GRK1: variants seen among roughly 807,000 people sequenced by gnomAD.
GRK1 encodes the protein rhodopsin kinase GRK1.
A neutral mutation model predicts 41.7 loss-of-function variants in GRK1; 28 were observed. The observed-to-expected ratio is 0.67, with a 90% confidence interval of 0.50 to 0.92. The LOEUF (loss-of-function observed/expected upper bound fraction) is 0.92, where lower values mean the gene tolerates loss of function less well. GRK1 is among the 40% of genes least tolerant of loss of function. GRK1 has a pLI of 0.00. For missense variants in GRK1, 703 were observed against 671.2 expected, an observed-to-expected ratio of 1.05 and a Z score of -0.52; for synonymous variants, 327 against 286.7, an observed-to-expected ratio of 1.14 and a Z score of -1.42.
Position 113,667,292 on chromosome 13 carries a change from C to T in GRK1, c.-95C>T, listed in dbSNP as rs993638715. ...GCAAGGGCAGGGACGGGCCACAGGCCAAGGGCAGCAGTCAGGCCTGCTCTG... is the reference window on the plus strand; with the variant it reads ...GCAAGGGCAGGGACGGGCCACAGGCTAAGGGCAGCAGTCAGGCCTGCTCTG... On this transcript the variant is annotated 5_prime_UTR_variant, in exon 1 of 7. Coordinates refer to ENST00000335678, the MANE Select transcript of GRK1 (RefSeq NM_002929.3). The surrounding 1 kb of genome is among the most constrained non-coding windows in gnomAD (Gnocchi z 7.5). 2.1e-5 allele frequency: 26 copies of T among 1,250,046 alleles called. No individual in the cohort carries two copies. Among genetic ancestry groups the T allele is most frequent in the Admixed American group, 5.6e-5 (2 of 35,682 alleles). 77.4% of individuals were successfully genotyped at this position (1,250,046 alleles called of 1,614,324 possible).
chr13:113,665,717 T>A (rs976981573), upstream of GRK1, among the ~76,000 whole-genome samples: 2 of 147,324 alleles, frequency 1.4e-5, no homozygotes, highest in South Asian at 4.4e-4. Flanking sequence ...CCCAGGCATA[T>A]CCCAGGTGTG....
Position 113,671,619 on chromosome 13 carries a change from C to A in GRK1, c.948C>A (p.Arg316=). Residue 316 remains arginine (R), a synonymous_variant, in exon 3 of 7, where the codon CGC becomes CGA. Coordinates refer to ENST00000335678, the MANE Select transcript of GRK1 (RefSeq NM_002929.3). The surrounding 1 kb of genome is among the most constrained non-coding windows in gnomAD (Gnocchi z 4.1). ...TGCACCAGAGGCGGATCGTCTACCG[C>A]GACCTCAAGCCCGAGAACGTGCTGC... ...EHLHQRRIVY[R]DLKPENVLLD... 1.3e-6 allele frequency: 1 copy of A among 770,610 alleles called. No homozygotes were observed. Among genetic ancestry groups the A allele is most frequent in the East Asian group, 2.4e-5 (1 of 41,240 alleles). The allele number at this position is 770,610 out of a possible 1,614,324, so 47.7% of individuals were successfully genotyped here. A position where few individuals can be genotyped will look rare whatever the true frequency, so the allele number is the denominator to read the frequency against.
the GRK1 span, among the ~76,000 whole-genome samples, chr13:113,660,429 T>C: frequency 2.0e-3 from 312 of 152,276 alleles, 1 homozygote; most frequent in African/African-American, 7.0e-3. Context: ...CACATGGTGT[T>C]AACAAGGTGA....
At chr13:113,672,194 TGTGTGTGTGTTGTGTGTG>T (rs1321351093) in intron 3 of GRK1, among the ~76,000 whole-genome samples, 1 of 150,634 alleles carries the variant, frequency 6.6e-6, no homozygotes, top group East Asian at 1.9e-4. Context: ...TTGTGGGGTG[TGTGTGTGTGTTGTGTGTG>T]GTGTGTGTGT....
chr13:113,733,968 G>GTGCATA (rs879935844), intron 6 of GRK1, among the ~76,000 whole-genome samples: 25 of 125,054 alleles, frequency 2.0e-4, no homozygotes, highest in African/African-American at 2.3e-4. Context: ...ACGTGTGTGT[G>GTGCATA]CGTGTGTGCG....
At chr13:113,724,856 G>A (rs2049881251) in intron 4 of GRK1, among the ~76,000 whole-genome samples, 1 of 152,242 alleles carries the variant, frequency 6.6e-6, no homozygotes, top group African/African-American at 2.4e-5. Flanking sequence ...CTGGGTGTGA[G>A]CGCGTGGGTG....
rs184061766 is a variant in GRK1 at position 113,671,371 on chromosome 13, G to A, written c.828-128G>A. 5 of 701,468 alleles carry A rather than the reference G, an allele frequency of 7.1e-6. No individual in the cohort carries two copies. The East Asian group carries it at 7.6e-5, about 11-fold the overall frequency. The allele number at this position is 701,468 out of a possible 1,614,324, so 43.5% of individuals were successfully genotyped here. A position where few individuals can be genotyped will look rare whatever the true frequency, so the allele number is the denominator to read the frequency against. On this transcript the variant is annotated intron_variant, in intron 2 of 6. Coordinates refer to ENST00000335678, the MANE Select transcript of GRK1 (RefSeq NM_002929.3). The surrounding 1 kb of genome is among the most constrained non-coding windows in gnomAD (Gnocchi z 4.1). ...TCGGGTGTCCTCTGCAGGGACGTAG[G>A]GGGGCCAGGCCTCAAAACGACCAGA... is the stretch of plus-strand genomic sequence containing the variant.
rs1453875527 is a variant in GRK1, at chr13:113,735,229, G to A, written c.1558G>A (p.Glu520Lys). ...TGGCAACTGCCCCATCCCCTGGCAG[G>A]AGGAGATGATCGAGACGGGCATCTT... ...ATGNCPIPWQ[E>K]EMIETGIFGE... The change falls in exon 7 of 7, where the codon GAG (glutamate) becomes AAG (lysine). Residue 520 changes from glutamate to lysine, a missense_variant. Physicochemically the swap from Glu to Lys is moderately conservative, Grantham distance 56. Coordinates refer to ENST00000335678, the MANE Select transcript of GRK1 (RefSeq NM_002929.3). 1.2e-5 allele frequency: 19 copies of A among 1,537,028 alleles called. No individual in the cohort carries two copies. Among genetic ancestry groups the A allele is most frequent in the East Asian group, 2.4e-5 (1 of 40,928 alleles).
intron 4 of GRK1, among the ~76,000 whole-genome samples, chr13:113,724,782 T>C (rs2049880803): frequency 6.6e-6 from 1 of 152,194 alleles, no homozygotes; most frequent in Admixed American, 6.5e-5. Flanking sequence ...GATCCAAGCC[T>C]CTTTCTGGGT....
At chr13:113,660,901 T>C in the GRK1 span, among the ~76,000 whole-genome samples, 5 of 152,240 alleles carry the variant, frequency 3.3e-5, no homozygotes, top group Admixed American at 3.3e-4. Flanking sequence ...CATAAACACA[T>C]CCACAATTAT....
chr13:113,663,905 G>A (rs144561627), upstream of GRK1, among the ~76,000 whole-genome samples: 635 of 152,240 alleles, frequency 4.2e-3, 2 homozygotes, highest in African/African-American at 0.014. Flanking sequence ...AAAACTAAAC[G>A]TGCAATTACG....
At chr13:113,662,392 C>G (rs2049795784), upstream of GRK1, among the ~76,000 whole-genome samples, 1 of 152,302 alleles carries the variant, frequency 6.6e-6, no homozygotes, top group South Asian at 2.1e-4. Context: ...TTTTTTACCC[C>G]AAGACCGGGA....
At chr13:113,662,867 C>T (rs2049797622), upstream of GRK1, among the ~76,000 whole-genome samples, 1 of 152,042 alleles carries the variant, frequency 6.6e-6, no homozygotes, top group African/African-American at 2.4e-5. Flanking sequence ...ATCAATCTCC[C>T]CAAATTGATA....
upstream of GRK1, among the ~76,000 whole-genome samples, chr13:113,664,165 C>T (rs183395110): frequency 3.9e-5 from 6 of 152,212 alleles, no homozygotes; most frequent in African/African-American, 1.2e-4. This position sits in a 1 kb window ranked among gnomAD's most constrained non-coding sequence, Gnocchi z 5.4. Flanking sequence ...GTGTCTGACT[C>T]CATTCATGTG....
rs761626862 is a variant in GRK1, at chr13:113,731,679, C to T, written c.1194+336C>T. 2.6e-5 allele frequency among the ~76,000 whole-genome samples: 4 copies of T among 152,148 alleles called. No homozygotes were observed. The highest frequency in any genetic ancestry group is 3.9e-4 in the East Asian group (2 of 5,182). On this transcript the variant is annotated intron_variant, in intron 5 of 6. Transcript: ENST00000335678. This position sits in a 1 kb window ranked among gnomAD's most constrained non-coding sequence, Gnocchi z 5.6. ...GGGGGCCGGTCCCTCTGGTGCAGAC[C>T]GGAGGAGGGAGGGCGACTTATCCCA...
At position 113,723,121 on chromosome 13, in the gene GRK1, G is replaced by A. The variant is rs1055221900; in HGVS notation, c.1033G>A (p.Gly345Arg). The change falls in exon 4 of 7, where the codon GGA (glycine) becomes AGA (arginine). Residue 345 changes from glycine to arginine, a missense_variant. Physicochemically the swap from Gly to Arg is moderately radical, Grantham distance 125. Coordinates refer to ENST00000335678, the MANE Select transcript of GRK1 (RefSeq NM_002929.3). Reference protein sequence around the residue: ...DLGLAVELLDGQSKTKGYAGT... With the variant: ...DLGLAVELLDRQSKTKGYAGT... ...TGGGCTGGCCGTGGAGCTGCTGGAC[G>A]GACAGAGCAAGACCAAGGGCTACGC... is the stretch of plus-strand genomic sequence containing the variant. 3 of 701,628 alleles carry A rather than the reference G, an allele frequency of 4.3e-6. No homozygotes were observed. Among genetic ancestry groups the A allele is most frequent in the African/African-American group, 3.5e-5 (2 of 56,536 alleles). 43.5% of individuals were successfully genotyped at this position (701,628 alleles called of 1,614,324 possible).
At chr13:113,733,658 T>C (rs1408125912) in intron 6 of GRK1, among the ~76,000 whole-genome samples, 26 of 99,226 alleles carry the variant, frequency 2.6e-4, no homozygotes, top group Admixed American at 1.0e-3. Context: ...CATACGTGTG[T>C]GTGCGTGTGT....
chr13:113,727,604 G>T (rs1002536318), intron 4 of GRK1, among the ~76,000 whole-genome samples: 19 of 149,612 alleles, frequency 1.3e-4, no homozygotes, highest in African/African-American at 4.2e-4. Flanking sequence ...TGGCAATGAG[G>T]AGTACCCATG....
Position 113,669,771 on chromosome 13 carries a change from G to A in GRK1, c.784G>A (p.Asp262Asn), listed in dbSNP as rs374352512. 34 of 1,613,846 alleles carry A rather than the reference G, an allele frequency of 2.1e-5. No individual in the cohort carries two copies. The East Asian group carries it at 3.8e-4, about 18-fold the overall frequency. ...SLAYAFETKA[D>N]LCLVMTIMNG... ...GGCCTATGCGTTTGAAACCAAAGCCGACCTCTGTCTGGTGATGACCATCAT... is the reference window on the plus strand; with the variant it reads ...GGCCTATGCGTTTGAAACCAAAGCCAACCTCTGTCTGGTGATGACCATCAT... The change falls in exon 2 of 7, where the codon GAC becomes AAC. Residue 262 changes from aspartate (D) to asparagine (N), a missense_variant. Physicochemically the swap from Asp to Asn is conservative, Grantham distance 23. Coordinates refer to ENST00000335678, the MANE Select transcript of GRK1 (RefSeq NM_002929.3).
Sources: gnomAD v4.1 joint callset for allele counts (sites outside exome capture counted in the v4.1 genomes callset) on GRCh38, gnomAD v4.1.1 for gene constraint, Gnocchi (gnomAD v3.1) non-coding constraint, MANE v1.5 for transcripts, NCBI Gene and HGNC (gene_info 2026-07-23, HGNC 2026-07-21) for gene names.